DCTN1: variants seen among roughly 807,000 people sequenced by gnomAD.
DCTN1 encodes the protein dynactin subunit 1.
A neutral mutation model predicts 161.2 loss-of-function variants in DCTN1; 61 were observed. The observed-to-expected ratio is 0.38, with a 90% CI of 0.31 to 0.47. The LOEUF (loss-of-function observed/expected upper bound fraction) is 0.47, where lower values mean the gene tolerates loss of function less well. Ranked by LOEUF, DCTN1 falls within the 20% of genes least tolerant of loss-of-function variation. The pLI is 0.99. For synonymous variants in DCTN1, 653 were observed against 632.4 expected, an observed-to-expected ratio of 1.03 and a Z score of -0.49; for missense variants, 1,404 against 1,623.7, an observed-to-expected ratio of 0.86 and a Z score of 2.33.
At chr2:74,383,796 G>A (rs998363705), upstream of DCTN1, 2 of 152,118 alleles carry the variant, frequency 1.3e-5, no homozygotes, top group Non-Finnish European at 2.9e-5. Context: ...CCTGAGTCCC[G>A]GTTACCTCAA....
intron 4 of DCTN1, 77 bp downstream of exon 4, chr2:74,377,355 G>T: frequency 7.7e-7 from 1 of 1,306,302 alleles, no homozygotes; most frequent in Non-Finnish European, 1.1e-6. Flanking sequence ...ACTTCTACCT[G>T]CCTAGCACTG....
rs1488635064 is a variant in DCTN1, at chr2:74,377,816, G to A, written c.280-90C>T. 10 of 1,481,860 alleles carry A rather than the reference G, an allele frequency of 6.7e-6. No homozygotes were observed. In the African/African-American group the frequency reaches 9.7e-5, roughly 14 times the overall value. The allele number at this position is 1,481,860 out of a possible 1,614,324, so 91.8% of individuals were successfully genotyped here. A position where few individuals can be genotyped will look rare whatever the true frequency, so the allele number is the denominator to read the frequency against. Reference sequence around the variant, plus strand: ...ATATGGGCCCCTCCCCAGGCTCCAAGCAAACCAAGAGTACAGGGCAGCTTC... The same window carrying A: ...ATATGGGCCCCTCCCCAGGCTCCAAACAAACCAAGAGTACAGGGCAGCTTC... On this transcript the variant is annotated intron_variant, in intron 2 of 31. Transcript: ENST00000628224.
In DCTN1 at chr2:74,366,448, T is replaced by A. The variant is rs776400717; in HGVS notation, c.2628+11A>T. ...TCTCCCCACACCTTCTACCCAGCCA[T>A]CCAGGCCCACCTGCTCGCTTGCTTT... On this transcript the variant is annotated intron_variant, in intron 22 of 31. Transcript: ENST00000628224. 6.2e-7 allele frequency: 1 copy of A among 1,614,186 alleles called. No homozygotes were observed. Among genetic ancestry groups the A allele is most frequent in the Non-Finnish European group, 8.5e-7 (1 of 1,180,030 alleles).
upstream of DCTN1, among the ~76,000 whole-genome samples, chr2:74,381,834 A>G (rs1675523146): frequency 6.6e-6 from 1 of 152,236 alleles, no homozygotes. Context: ...TAATCCAAAC[A>G]AAGCATCCAG....
chr2:74,374,117 A>G (rs1405246488), intron 6 of DCTN1: 1 of 636,652 alleles, frequency 1.6e-6, no homozygotes, highest in Non-Finnish European at 2.9e-6. Flanking sequence ...ACACAGGCAG[A>G]GCCAAAAGCA....
intron 1 of DCTN1, among the ~76,000 whole-genome samples, chr2:74,388,421 C>T (rs965596550): frequency 7.2e-5 from 11 of 152,284 alleles, no homozygotes; most frequent in South Asian, 4.1e-4. Context: ...ATTATGAATC[C>T]GGTCGCATCA....
At chr2:74,376,131 T>C (rs1418903379) in intron 5 of DCTN1, among the ~76,000 whole-genome samples, 1 of 152,048 alleles carries the variant, frequency 6.6e-6, no homozygotes, top group Non-Finnish European at 1.5e-5. Flanking sequence ...CCAATGATGG[T>C]TGATGAAAGG....
chr2:74,362,920 C>G, intron 29 of DCTN1, 74 bp downstream of exon 29: 2 of 1,548,782 alleles, frequency 1.3e-6, no homozygotes, highest in African/African-American at 1.4e-5. Flanking sequence ...GGGGAACCAC[C>G]TGAGCAGGGG....
chr2:74,363,202 T>C, intron 28 of DCTN1, 25 bp from the exon 29 acceptor site: 1 of 1,613,850 alleles, frequency 6.2e-7, no homozygotes, highest in Non-Finnish European at 8.5e-7. Flanking sequence ...AGAAGGATAG[T>C]GGTAAGAGGT....
In DCTN1 at chr2:74,366,027, T is replaced by TGGTC. The variant is rs1308261864; in HGVS notation, c.2761-13_2761-10dup. The TGGTC allele has an allele frequency of 6.2e-7, 1 of 1,614,222 alleles. No individual in the cohort carries two copies. Among genetic ancestry groups the TGGTC allele is most frequent in the Non-Finnish European group, 8.5e-7 (1 of 1,180,030 alleles). ...AGTTCAACCGGTGGAGGCTAAGGAA[T>TGGTC]GGTCGGTAGGGGGTGAGAAAGTGAG... On this transcript the variant is annotated splice_polypyrimidine_tract_variant and intron_variant, in intron 23 of 31. Coordinates refer to ENST00000628224, the MANE Select transcript of DCTN1 (RefSeq NM_004082.5).
intron 31 of DCTN1, 40 bp downstream of exon 31, chr2:74,362,012 C>G: frequency 6.2e-7 from 1 of 1,603,526 alleles, no homozygotes; most frequent in Admixed American, 1.7e-5. Context: ...CGCCTGAGCT[C>G]TCCACACTGT....
chr2:74,381,963 C>A (rs1486420791), upstream of DCTN1, among the ~76,000 whole-genome samples: 3 of 152,210 alleles, frequency 2.0e-5, no homozygotes, highest in Admixed American at 6.5e-5. Context: ...GACAAGGCAA[C>A]TGAGTCTTTG....
Position 74,370,498 on chromosome 2 carries a change from C to A in DCTN1, c.1095G>T (p.Glu365Asp), listed in dbSNP as rs115088049. 3.7e-6 allele frequency: 6 copies of A among 1,614,096 alleles called. No homozygotes were observed. Among genetic ancestry groups the A allele is most frequent in the Non-Finnish European group, 4.2e-6 (5 of 1,180,054 alleles). The change falls in exon 11 of 32, where the codon GAG becomes GAT. Residue 365 changes from glutamate to aspartate, a missense_variant. Glu to Asp is a conservative substitution (Grantham distance 45, BLOSUM62 2). Around this residue, in one of 9 missense-constraint regions of DCTN1, gnomAD observed 278 missense variants for 363.8 expected, o/e 0.76. Transcript: ENST00000628224. This position sits in a 1 kb window ranked among gnomAD's most constrained non-coding sequence, Gnocchi z 4.4. Reference protein sequence around the residue: ...ASSYQLKQLEEQNARLKDALV... With the variant: ...ASSYQLKQLEDQNARLKDALV... Reference sequence around the variant, plus strand: ...GGGCATCCTTCAGGCGGGCATTCTGCTCCTCAAGCTGCTTGAGCTGATAAC... The same window carrying A: ...GGGCATCCTTCAGGCGGGCATTCTGATCCTCAAGCTGCTTGAGCTGATAAC...
At position 74,366,898 on chromosome 2, in the gene DCTN1, A is replaced by G. The variant is rs1674457246; in HGVS notation, c.2351T>C (p.Leu784Pro). The G allele has an allele frequency of 6.2e-7, 1 of 1,614,254 alleles. No individual in the cohort carries two copies. The highest frequency in any genetic ancestry group is 8.5e-7 in the Non-Finnish European group (1 of 1,180,048). ...GQEATDIALL[L>P]RDLETSCSDI... The stretch of plus-strand genomic sequence containing the variant: ...ACTGCATGAAGTTTCCAGATCCCGG[A>G]GCAGGAGGGCAATATCTGTAGCCTC... The change falls in exon 21 of 32, where the codon CTC becomes CCC. Residue 784 changes from leucine (L) to proline (P), a missense_variant. Around this residue, in one of 9 missense-constraint regions of DCTN1, gnomAD observed 475 missense variants for 489.8 expected, o/e 0.97. Coordinates refer to ENST00000628224, the MANE Select transcript of DCTN1 (RefSeq NM_004082.5).
chr2:74,376,207 G>A (rs927140431), intron 5 of DCTN1, among the ~76,000 whole-genome samples: 1 of 152,150 alleles, frequency 6.6e-6, no homozygotes, highest in Non-Finnish European at 1.5e-5. Flanking sequence ...CAGACTGATG[G>A]GGCAGAGTTG....
intron 1 of DCTN1, chr2:74,391,638 C>T (rs1470388871): frequency 2.7e-6 from 1 of 364,198 alleles, no homozygotes; most frequent in African/African-American, 2.2e-5. Context: ...GGCCTCGGGG[C>T]AAACGCTCAG....
chr2:74,386,276 G>A (rs1204762321), intron 1 of DCTN1, among the ~76,000 whole-genome samples: 1 of 152,124 alleles, frequency 6.6e-6, no homozygotes, highest in African/African-American at 2.4e-5. Context: ...CTCAGGAAAA[G>A]GAATCCATTT....
intron 6 of DCTN1, chr2:74,373,288 GTCC>G (rs1256941535): frequency 1.3e-5 from 5 of 399,202 alleles, no homozygotes; most frequent in Non-Finnish European, 2.4e-5. Context: ...CATGAGACCA[GTCC>G]TCCTGCTAAC....
In DCTN1 at chr2:74,367,104, T is replaced by C. The variant is rs1182805673; in HGVS notation, c.2257A>G (p.Thr753Ala). ...CTCATGCAGTCCAGAGCACTCTGCGTGAACTGTGAGGATAGAAGCATGCAA... is the reference window on the plus strand; with the variant it reads ...CTCATGCAGTCCAGAGCACTCTGCGCGAACTGTGAGGATAGAAGCATGCAA... ...TMQLADHIKFTQSALDCMSVE... is the reference protein window; with the variant it reads ...TMQLADHIKFAQSALDCMSVE... Residue 753 changes from threonine to alanine, a missense_variant, in exon 20 of 32, where the codon ACG (threonine) becomes GCG (alanine). Around this residue, in one of 9 missense-constraint regions of DCTN1, gnomAD observed 475 missense variants for 489.8 expected, o/e 0.97. Coordinates refer to ENST00000628224, the MANE Select transcript of DCTN1 (RefSeq NM_004082.5). 1 of 1,614,186 alleles carries C rather than the reference T, an allele frequency of 6.2e-7. No homozygotes were observed. Among genetic ancestry groups the C allele is most frequent in the East Asian group, 2.2e-5 (1 of 44,888 alleles).
Sources: allele counts gnomAD v4.1 joint callset (sites outside exome capture counted in the v4.1 genomes callset), GRCh38; gene constraint gnomAD v4.1.1; regional missense constraint gnomAD v4.1.1; non-coding constraint Gnocchi (gnomAD v3.1); transcripts MANE v1.5; gene names NCBI Gene and HGNC (gene_info 2026-07-23, HGNC 2026-07-21).